The following CUX2 variants were observed in gnomAD, a reference collection of about 807,000 sequenced individuals.
CUX2 encodes homeobox protein cut-like 2.
A neutral mutation model predicts 144.8 loss-of-function variants in CUX2; 40 were observed. That is an observed-to-expected ratio of 0.28 (90% confidence interval 0.21 to 0.36). CUX2 has a LOEUF of 0.36. Among genes scored for constraint, CUX2 ranks in the 10% least tolerant of loss-of-function variants. CUX2 has a pLI of 1.00. For synonymous variants in CUX2, 827 were observed against 875.6 expected, an observed-to-expected ratio of 0.94 and a Z score of 0.98; for missense variants, 1,615 against 1,994.0, an observed-to-expected ratio of 0.81 and a Z score of 3.62.
chr12:111,137,501 T>G (rs555411918), intron 1 of CUX2, among the ~76,000 whole-genome samples: 36 of 152,176 alleles, frequency 2.4e-4, no homozygotes, highest in African/African-American at 8.2e-4. Context: ...TTTATAAACT[T>G]TATTTATTTA....
intron 1 of CUX2, chr12:111,099,878 A>G: frequency 4.5e-6 from 2 of 440,618 alleles, no homozygotes; most frequent in Non-Finnish European, 9.2e-6. Flanking sequence ...ATCGAGAGCC[A>G]AAGAGGTAAT....
At chr12:111,330,312 G>T (rs1592976566) in intron 18 of CUX2, among the ~76,000 whole-genome samples, 1 of 152,190 alleles carries the variant, frequency 6.6e-6, no homozygotes, top group Middle Eastern at 3.4e-3. Context: ...CAGGCTCTGG[G>T]GACTCACCTG....
intron 1 of CUX2, among the ~76,000 whole-genome samples, chr12:111,053,208 G>A (rs1870363879): frequency 6.6e-6 from 1 of 152,216 alleles, no homozygotes; most frequent in African/African-American, 2.4e-5. Flanking sequence ...CACGGCGCCT[G>A]GCACATACCA....
At chr12:111,324,784 GC>G (rs1887695906) in intron 18 of CUX2, among the ~76,000 whole-genome samples, 1 of 152,154 alleles carries the variant, frequency 6.6e-6, no homozygotes, top group Non-Finnish European at 1.5e-5. Context: ...ACAGGCGTGA[GC>G]CACAGCACCT....
rs1162037505 is a variant in CUX2, at chr12:111,106,222, A to G, written c.63+71982A>G. On this transcript the variant is annotated intron_variant, in intron 1 of 21. Transcript: ENST00000261726. Reference sequence around the variant, plus strand: ...GCCTAGGCTGGTCTCAAACTCCTGGACTTAAACAATCCATCCACCTCGGCC... The same window carrying G: ...GCCTAGGCTGGTCTCAAACTCCTGGGCTTAAACAATCCATCCACCTCGGCC... Among the ~76,000 whole-genome samples the G allele has an allele frequency of 2.0e-5, 3 of 151,550 alleles. No individual in the cohort carries two copies. The East Asian group carries it at 5.8e-4, about 29-fold the overall frequency.
rs138070926 is a variant in CUX2, at chr12:111,329,465, C to T, written c.2927-4976C>T. Among the ~76,000 whole-genome samples, 207 of 152,156 alleles carry T rather than the reference C, an allele frequency of 1.4e-3. 1 individual carries two copies. Among genetic ancestry groups the T allele is most frequent in the African/African-American group, 4.6e-3 (192 of 41,516 alleles). ...TTCTCAGTCAGAGGAGTCAGAAAGG[C>T]GGGGTTCTCCCTGGGGGAGTGGGAT... On this transcript the variant is annotated intron_variant, in intron 18 of 21. Coordinates refer to ENST00000261726, the MANE Select transcript of CUX2 (RefSeq NM_015267.4).
Position 111,263,862 on chromosome 12 carries a change from A to C in CUX2, c.301+23A>C. 6.3e-7 allele frequency: 1 copy of C among 1,596,486 alleles called. No homozygotes were observed. Among genetic ancestry groups the C allele is most frequent in the Non-Finnish European group, 8.6e-7 (1 of 1,164,074 alleles). On this transcript the variant is annotated intron_variant, in intron 4 of 21. Transcript: ENST00000261726. This position sits in a 1 kb window ranked among gnomAD's most constrained non-coding sequence, Gnocchi z 4.0. ...CAGGTAAGAAATGCTTGGGCTCCGT[A>C]ATTGAATAGTTAACGACAATAAATA...
rs184722668 is a variant in CUX2 at position 111,349,095 on chromosome 12, T to C, written c.*770T>C. On this transcript the variant is annotated 3_prime_UTR_variant, in exon 22 of 22. Coordinates refer to ENST00000261726, the MANE Select transcript of CUX2 (RefSeq NM_015267.4). ...TGGCCCAACCGTCCTATATGAGATG[T>C]AGCATGGTACAGAACAAACTGCTTA... 6.6e-6 allele frequency: 1 copy of C among 152,640 alleles called. No homozygotes were observed. The highest frequency in any genetic ancestry group is 6.5e-5 in the Admixed American group (1 of 15,288). The allele number at this position is 152,640 out of a possible 1,614,324, so 9.5% of individuals were successfully genotyped here.
intron 1 of CUX2, among the ~76,000 whole-genome samples, chr12:111,074,904 C>T (rs1871441844): frequency 1.3e-5 from 2 of 152,154 alleles, no homozygotes; most frequent in African/African-American, 4.8e-5. Context: ...GAGACCCCAC[C>T]ATCTAGCCAG....
At chr12:111,110,055 T>C (rs1462255913) in intron 1 of CUX2, among the ~76,000 whole-genome samples, 4 of 151,774 alleles carry the variant, frequency 2.6e-5, no homozygotes, top group African/African-American at 9.7e-5. Context: ...TTTTTTTTTT[T>C]TTTTTTAAGT....
rs1878429952 is a variant in CUX2, at chr12:111,170,237, C to G, written c.64-43963C>G. ...CTGAGGTCGGGAGTTCAAGACCAGCCTGACCAATATGGAGAAACCCCTTCT... is the reference window on the plus strand; with the variant it reads ...CTGAGGTCGGGAGTTCAAGACCAGCGTGACCAATATGGAGAAACCCCTTCT... On this transcript the variant is annotated intron_variant, in intron 1 of 21. Coordinates refer to ENST00000261726, the MANE Select transcript of CUX2 (RefSeq NM_015267.4). 1.3e-5 allele frequency among the ~76,000 whole-genome samples: 2 copies of G among 152,050 alleles called. 1 individual carries two copies. The highest frequency in any genetic ancestry group is 1.3e-4 in the Admixed American group (2 of 15,262).
chr12:111,072,811 C>A (rs60022549), intron 1 of CUX2, among the ~76,000 whole-genome samples: 2,106 of 152,318 alleles, frequency 0.014, 44 homozygotes, highest in African/African-American at 0.047. Flanking sequence ...GACCCCTCCC[C>A]CAACCCCAAC....
chr12:111,111,759 A>G (rs983178542), intron 1 of CUX2, among the ~76,000 whole-genome samples: 1 of 152,150 alleles, frequency 6.6e-6, no homozygotes, highest in Non-Finnish European at 1.5e-5. Flanking sequence ...ACCCAACAGT[A>G]CAGTTGGCCA....
intron 3 of CUX2, among the ~76,000 whole-genome samples, chr12:111,220,274 C>T (rs184996599): frequency 1.3e-5 from 2 of 152,280 alleles, no homozygotes; most frequent in East Asian, 3.9e-4. Flanking sequence ...TGAGCAGTGA[C>T]CTCCAGTACA....
intron 3 of CUX2, 43 bp downstream of exon 3, chr12:111,217,980 T>C (rs764793527): frequency 1.9e-6 from 3 of 1,609,970 alleles, no homozygotes; most frequent in African/African-American, 1.3e-5. Context: ...GTGCCCCCAA[T>C]GGCTCCCCCT....
intron 18 of CUX2, 134 bp from the exon 19 acceptor site, chr12:111,334,307 C>T (rs751768020): frequency 3.4e-6 from 3 of 894,554 alleles, no homozygotes; most frequent in Non-Finnish European, 3.4e-6. Context: ...GTGGTCCCTA[C>T]CTGAGCGATT....
chr12:111,197,701 G>A (rs543402157), intron 1 of CUX2, among the ~76,000 whole-genome samples: 62 of 152,354 alleles, frequency 4.1e-4, no homozygotes, highest in African/African-American at 1.5e-3. Flanking sequence ...GAGCGTGGCT[G>A]TGGCTCAGGC....
At chr12:111,259,793 CAA>C (rs770448329) in intron 3 of CUX2, among the ~76,000 whole-genome samples, 33 of 74,230 alleles carry the variant, frequency 4.4e-4, no homozygotes, top group African/African-American at 4.9e-4. Flanking sequence ...GACTCTGTCT[CAA>C]AAAAAAAAAA....
At chr12:111,238,872 C>CT (rs1043075368) in intron 3 of CUX2, among the ~76,000 whole-genome samples, 35 of 152,252 alleles carry the variant, frequency 2.3e-4, no homozygotes, top group African/African-American at 7.2e-4. Flanking sequence ...TGGCAAAACT[C>CT]TGTCTCTACT....
Sources: gnomAD v4.1 joint callset for allele counts (sites outside exome capture counted in the v4.1 genomes callset) on GRCh38, gnomAD v4.1.1 for gene constraint, Gnocchi (gnomAD v3.1) non-coding constraint, MANE v1.5 for transcripts, NCBI Gene and HGNC (gene_info 2026-07-23, HGNC 2026-07-21) for gene names.